The following TDRD3 variants were observed in gnomAD, a reference collection of about 807,000 sequenced individuals.
TDRD3 encodes tudor domain-containing protein 3.
In TDRD3, 45 loss-of-function variants were observed where a neutral mutation model predicts 86.7. The ratio of observed to expected loss-of-function variants is 0.52; its 90% CI spans 0.41 to 0.67. TDRD3 has a LOEUF of 0.67. Among genes scored for constraint, TDRD3 ranks in the 30% least tolerant of loss-of-function variants. The pLI, the probability that TDRD3 is intolerant of heterozygous loss-of-function variation, is 0.00. For synonymous variants in TDRD3, 298 were observed against 301.7 expected (o/e 0.99, Z 0.13); for missense variants, 814 against 889.0 (o/e 0.92, Z 1.07).
Position 60,397,339 on chromosome 13 carries a change from C to A in TDRD3, c.-26C>A. 6.8e-7 allele frequency: 1 copy of A among 1,459,926 alleles called. No homozygotes were observed. Among genetic ancestry groups the A allele is most frequent in the Non-Finnish European group, 9.1e-7 (1 of 1,100,892 alleles). 90.4% of individuals were successfully genotyped at this position (1,459,926 alleles called of 1,614,324 possible). ...CCCCATCACCCCCACCCCAGCCCCC[C>A]ACCACCCCCGGCCTAAGCAGCTACC... On this transcript the variant is annotated 5_prime_UTR_variant, in exon 1 of 14. Transcript: ENST00000377881.
chr13:60,527,380 A>G (rs1957465295), intron 10 of TDRD3, among the ~76,000 whole-genome samples: 1 of 152,168 alleles, frequency 6.6e-6, no homozygotes, highest in African/African-American at 2.4e-5. Flanking sequence ...CTTGCAACAG[A>G]GGGAACAGTC....
intron 10 of TDRD3, among the ~76,000 whole-genome samples, chr13:60,519,458 G>C (rs1191672470): frequency 6.6e-6 from 1 of 152,120 alleles, no homozygotes; most frequent in Non-Finnish European, 1.5e-5. Flanking sequence ...ATCAACAAGA[G>C]AGCCATATCT....
At chr13:60,472,407 A>T (rs928397371) in intron 5 of TDRD3, among the ~76,000 whole-genome samples, 1 of 152,222 alleles carries the variant, frequency 6.6e-6, no homozygotes, top group African/African-American at 2.4e-5. Flanking sequence ...AACATCACTA[A>T]TCAAAATGTA....
intron 1 of TDRD3, among the ~76,000 whole-genome samples, chr13:60,434,430 C>T (rs1277951930): frequency 4.7e-5 from 7 of 149,920 alleles, no homozygotes; most frequent in East Asian, 2.0e-4. Flanking sequence ...TTTGTGCCAC[C>T]GCATTCCAGC....
At chr13:60,504,022 T>A (rs1956886243) in intron 8 of TDRD3, among the ~76,000 whole-genome samples, 1 of 152,240 alleles carries the variant, frequency 6.6e-6, no homozygotes, top group Admixed American at 6.5e-5. Flanking sequence ...ATGCTCAATT[T>A]ATGAAAAGAT....
At chr13:60,482,614 G>A (rs1224381174) in intron 5 of TDRD3, among the ~76,000 whole-genome samples, 4 of 152,090 alleles carry the variant, frequency 2.6e-5, no homozygotes, top group Admixed American at 2.0e-4. Context: ...TAAGGAAAGG[G>A]CCTCTTGATA....
intron 12 of TDRD3, among the ~76,000 whole-genome samples, chr13:60,557,891 C>T (rs1460598881): frequency 7.3e-6 from 1 of 136,546 alleles, no homozygotes; most frequent in Non-Finnish European, 1.5e-5. Flanking sequence ...TGTGCAATCT[C>T]GGCTCACTGC....
chr13:60,472,144 C>G (rs1271983074), intron 5 of TDRD3, among the ~76,000 whole-genome samples: 2 of 152,126 alleles, frequency 1.3e-5, no homozygotes, highest in Non-Finnish European at 2.9e-5. Context: ...TTTTCCCCTG[C>G]TTCATTCTGT....
chr13:60,430,216 A>G (rs978776219), intron 1 of TDRD3, among the ~76,000 whole-genome samples: 3 of 152,260 alleles, frequency 2.0e-5, no homozygotes, highest in African/African-American at 4.8e-5. Context: ...GTAATACCTT[A>G]CATTTATAAA....
At chr13:60,423,013 T>C (rs1352769041) in intron 1 of TDRD3, among the ~76,000 whole-genome samples, 2 of 152,096 alleles carry the variant, frequency 1.3e-5, no homozygotes, top group African/African-American at 4.8e-5. Flanking sequence ...AGTTAAAAAT[T>C]ATCAGATTAT....
chr13:60,569,086 A>G (rs2138004621), intron 13 of TDRD3, among the ~76,000 whole-genome samples: 1 of 152,032 alleles, frequency 6.6e-6, no homozygotes, highest in Admixed American at 6.5e-5. Flanking sequence ...CTGCCATCTC[A>G]GCCTCCCTAG....
intron 7 of TDRD3, among the ~76,000 whole-genome samples, chr13:60,494,173 GT>G (rs1226476739): frequency 7.2e-5 from 11 of 152,060 alleles, no homozygotes; most frequent in Non-Finnish European, 1.5e-5. Flanking sequence ...CTTCTCTATA[GT>G]TGTACACTCA....
intron 11 of TDRD3, among the ~76,000 whole-genome samples, chr13:60,531,496 T>C (rs963609093): frequency 2.6e-5 from 4 of 152,224 alleles, no homozygotes; most frequent in African/African-American, 9.6e-5. Context: ...AAGTGTTTTC[T>C]GTATTGGATA....
At chr13:60,439,387 A>G (rs2137957524) in intron 1 of TDRD3, among the ~76,000 whole-genome samples, 1 of 152,306 alleles carries the variant, frequency 6.6e-6, no homozygotes, top group Non-Finnish European at 1.5e-5. Flanking sequence ...TTATATTTGT[A>G]TAATAGCAAA....
chr13:60,529,488 A>G (rs1957532632), intron 11 of TDRD3, among the ~76,000 whole-genome samples: 1 of 152,102 alleles, frequency 6.6e-6, no homozygotes, highest in Non-Finnish European at 1.5e-5. Context: ...TAATTATGTG[A>G]AGTTGAGCTT....
intron 5 of TDRD3, among the ~76,000 whole-genome samples, chr13:60,471,871 C>A (rs1033976761): frequency 1.3e-5 from 2 of 151,882 alleles, no homozygotes; most frequent in Non-Finnish European, 2.9e-5. Context: ...ATTTTTCTTG[C>A]CTTATTTAGC....
At chr13:60,444,773 C>T in intron 3 of TDRD3, 25 bp downstream of exon 3, 1 of 1,288,032 alleles carries the variant, frequency 7.8e-7, no homozygotes, top group Non-Finnish European at 1.1e-6. Flanking sequence ...TAACTTCTTA[C>T]ATTAATTAAT....
chr13:60,410,581 G>C (rs984302261), intron 1 of TDRD3, among the ~76,000 whole-genome samples: 2 of 152,106 alleles, frequency 1.3e-5, no homozygotes, highest in African/African-American at 4.8e-5. Flanking sequence ...TCTACTCCTA[G>C]GAATTGGCCA....
chr13:60,469,435 TAC>T lies in TDRD3; in HGVS notation c.495+2075_495+2076del, dbSNP rs111428413. Among the ~76,000 whole-genome samples the T allele has an allele frequency of 9.6e-4, 130 of 135,322 alleles. 1 individual carries two copies. Among genetic ancestry groups the T allele is most frequent in the Middle Eastern group, 3.8e-3 (1 of 260 alleles). 88.8% of individuals were successfully genotyped at this position (135,322 alleles called of 152,430 possible). A position where few individuals can be genotyped will look rare whatever the true frequency, so the allele number is the denominator to read the frequency against. ...CTTCTCACCAACACACACACACACA[TAC>T]ACACACACACACACACACGGAGTTT... On this transcript the variant is annotated intron_variant, in intron 5 of 13. Transcript: ENST00000377881.
Sources: gnomAD v4.1 joint callset for allele counts (sites outside exome capture counted in the v4.1 genomes callset) on GRCh38, gnomAD v4.1.1 for gene constraint, MANE v1.5 for transcripts, NCBI Gene and HGNC (gene_info 2026-07-23, HGNC 2026-07-21) for gene names.